SESTD1: variants seen among roughly 807,000 people sequenced by gnomAD.
SESTD1 encodes the protein SEC14 domain and spectrin repeat-containing protein 1.
A neutral mutation model predicts 101.7 loss-of-function variants in SESTD1; 43 were observed. The ratio of observed to expected loss-of-function variants is 0.42; its 90% CI spans 0.33 to 0.55. The LOEUF (loss-of-function observed/expected upper bound fraction) is 0.55. Ranked by LOEUF, SESTD1 falls within the 20% of genes least tolerant of loss-of-function variation. SESTD1 has a pLI of 0.07. For missense variants in SESTD1, 647 were observed against 815.1 expected (o/e 0.79, Z 2.51); for synonymous variants, 283 against 286.8 (o/e 0.99, Z 0.13).
intron 6 of SESTD1, 121 bp from the exon 7 acceptor site, chr2:179,149,515 C>T (rs1274266267): frequency 1.2e-5 from 7 of 602,168 alleles, no homozygotes; most frequent in Middle Eastern, 4.4e-4. Flanking sequence ...CCCAGCAGTT[C>T]GTGCAATTCT....
rs889713308 is a variant in SESTD1 at position 179,207,091 on chromosome 2, G to A, written c.-25-15225C>T. 3.0e-5 allele frequency among the ~76,000 whole-genome samples: 4 copies of A among 133,096 alleles called. 2 individuals are homozygous for A. Among genetic ancestry groups the A allele is most frequent in the African/African-American group, 1.2e-4 (4 of 33,284 alleles). The allele number at this position is 133,096 out of a possible 152,430, so 87.3% of individuals were successfully genotyped here. A position where few individuals can be genotyped will look rare whatever the true frequency, so the allele number is the denominator to read the frequency against. On this transcript the variant is annotated intron_variant, in intron 1 of 17. Transcript: ENST00000428443. ...GAGCTCAGACTAGTCTAACCCTGCC[G>A]ATGGTTTTGCTCTATCTGCCCTGGT... is the stretch of plus-strand genomic sequence containing the variant.
At position 179,172,169 on chromosome 2, in the gene SESTD1, T is replaced by C; in HGVS notation, c.320A>G (p.Lys107Arg). 1 of 1,610,326 alleles carries C rather than the reference T, an allele frequency of 6.2e-7. No homozygotes were observed. The highest frequency in any genetic ancestry group is 8.5e-7 in the Non-Finnish European group (1 of 1,177,650). The change falls in exon 5 of 18, where the codon AAA becomes AGA. Residue 107 changes from lysine (K) to arginine (R), a missense_variant. Lys to Arg is a conservative substitution (Grantham distance 26). Coordinates refer to ENST00000428443, the MANE Select transcript of SESTD1 (RefSeq NM_178123.5). Reference sequence around the variant, plus strand: ...CTTCCAAAAACAAAAATGCGTTACTTTCTTATCCCAGAATTCATCTGGCTT... The same window carrying C: ...CTTCCAAAAACAAAAATGCGTTACTCTCTTATCCCAGAATTCATCTGGCTT... ...VVKPDEFWDK[K>R]VTHFCFWKEK...
In SESTD1 at chr2:179,101,702, C is replaced by A. The variant is rs1156643808; in HGVS notation, c.*8197G>T. The A allele has an allele frequency of 6.6e-6, 1 of 152,142 alleles. No individual in the cohort carries two copies. The highest frequency in any genetic ancestry group is 1.5e-5 in the Non-Finnish European group (1 of 68,014). The allele number at this position is 152,142 out of a possible 1,614,324, so 9.4% of individuals were successfully genotyped here. ...GTTGATATTGACTCATTCACATTTTCTCCCAATTTTATTTTGAACAAACAC... is the reference window on the plus strand; with the variant it reads ...GTTGATATTGACTCATTCACATTTTATCCCAATTTTATTTTGAACAAACAC... On this transcript the variant is annotated 3_prime_UTR_variant, in exon 18 of 18. Coordinates refer to ENST00000428443, the MANE Select transcript of SESTD1 (RefSeq NM_178123.5).
At position 179,182,991 on chromosome 2, in the gene SESTD1, A is replaced by T. The variant is rs1347318080; in HGVS notation, c.164+89T>A. ...TTCACTGCGAATAAAAGCAGATAAG[A>T]TAGCAAAGTATAATTCAACAATAGA... On this transcript the variant is annotated intron_variant, in intron 3 of 17. Transcript: ENST00000428443. 7.3e-6 allele frequency: 6 copies of T among 827,422 alleles called. No individual in the cohort carries two copies. In the East Asian group the frequency reaches 8.2e-5, roughly 11 times the overall value. 51.3% of individuals were successfully genotyped at this position (827,422 alleles called of 1,614,324 possible).
Position 179,208,801 on chromosome 2 carries a change from A to G in SESTD1, c.-25-16935T>C, listed in dbSNP as rs989141074. ...TTCATCTCACAGGACCTGTAAAACA[A>G]TAACACAATGAAAACAAACCAAGGT... On this transcript the variant is annotated intron_variant, in intron 1 of 17. Coordinates refer to ENST00000428443, the MANE Select transcript of SESTD1 (RefSeq NM_178123.5). 1.1e-4 allele frequency among the ~76,000 whole-genome samples: 15 copies of G among 135,158 alleles called. 4 individuals are homozygous for G. Among genetic ancestry groups the G allele is most frequent in the East Asian group, 2.0e-4 (1 of 5,058 alleles). The allele number at this position is 135,158 out of a possible 152,430, so 88.7% of individuals were successfully genotyped here.
intron 2 of SESTD1, 45 bp from the exon 3 acceptor site, chr2:179,183,233 G>A (rs2046149387): frequency 1.6e-6 from 2 of 1,216,836 alleles, no homozygotes; most frequent in South Asian, 1.3e-5. Context: ...ACATATTAAG[G>A]CATAATCTGA....
intron 9 of SESTD1, among the ~76,000 whole-genome samples, chr2:179,141,924 G>C (rs949429031): frequency 3.3e-5 from 5 of 152,278 alleles, no homozygotes; most frequent in South Asian, 4.1e-4. Flanking sequence ...GAAATCTCCA[G>C]TTTATATGTG....
intron 1 of SESTD1, among the ~76,000 whole-genome samples, chr2:179,199,648 A>C (rs941993065): frequency 1.7e-3 from 259 of 152,290 alleles, no homozygotes; most frequent in South Asian, 0.016. Flanking sequence ...AGGCTGGTTC[A>C]ATATACACAA....
chr2:179,135,330 A>T (rs570666944), intron 9 of SESTD1, among the ~76,000 whole-genome samples: 1 of 152,284 alleles, frequency 6.6e-6, no homozygotes, highest in Admixed American at 6.5e-5. Context: ...GATTGAATAC[A>T]TTGCAAATGT....
chr2:179,197,904 A>T (rs538279533), intron 1 of SESTD1, among the ~76,000 whole-genome samples: 1 of 152,242 alleles, frequency 6.6e-6, no homozygotes, highest in East Asian at 1.9e-4. Context: ...GCATCAACTA[A>T]CGAGCAAAAT....
At chr2:179,134,342 A>G (rs1411511451) in intron 9 of SESTD1, among the ~76,000 whole-genome samples, 1 of 152,158 alleles carries the variant, frequency 6.6e-6, no homozygotes, top group Non-Finnish European at 1.5e-5. Flanking sequence ...TTGTTATTAT[A>G]ACATAATTTT....
rs375349518 is a variant in SESTD1, at chr2:179,202,030, G to C, written c.-25-10164C>G. Among the ~76,000 whole-genome samples, 16 of 131,382 alleles carry C rather than the reference G, an allele frequency of 1.2e-4. 4 individuals are homozygous for C. Among genetic ancestry groups the C allele is most frequent in the East Asian group, 8.0e-4 (4 of 5,008 alleles). The allele number at this position is 131,382 out of a possible 152,430, so 86.2% of individuals were successfully genotyped here. On this transcript the variant is annotated intron_variant, in intron 1 of 17. Transcript: ENST00000428443. ...AAATAGTCTGTGTAAGTCATAAGAAGGTTTGTAAAGGGAAATTTAGGAAAG... is the reference window on the plus strand; with the variant it reads ...AAATAGTCTGTGTAAGTCATAAGAACGTTTGTAAAGGGAAATTTAGGAAAG...
At position 179,106,009 on chromosome 2, in the gene SESTD1, G is replaced by GT. The variant is rs964271334; in HGVS notation, c.*3889dup. 4.3e-4 allele frequency: 66 copies of GT among 152,120 alleles called. No individual in the cohort carries two copies. The highest frequency in any genetic ancestry group is 1.5e-3 in the African/African-American group (62 of 41,434). 9.4% of individuals were successfully genotyped at this position (152,120 alleles called of 1,614,324 possible). A position where few individuals can be genotyped will look rare whatever the true frequency, so the allele number is the denominator to read the frequency against. On this transcript the variant is annotated 3_prime_UTR_variant, in exon 18 of 18. Transcript: ENST00000428443. The stretch of plus-strand genomic sequence containing the variant: ...TTCTACTTCATTTTATCTCATCAGG[G>GT]TATTTGTTGCTCTATATACCAGCAT...
intron 1 of SESTD1, among the ~76,000 whole-genome samples, chr2:179,231,431 A>C (rs1288136749): frequency 6.6e-6 from 1 of 152,076 alleles, no homozygotes; most frequent in Non-Finnish European, 1.5e-5. Flanking sequence ...AACTTAAATA[A>C]GAAAACAAAG....
intron 1 of SESTD1, among the ~76,000 whole-genome samples, chr2:179,234,745 G>C (rs1472191155): frequency 6.6e-6 from 1 of 152,112 alleles, no homozygotes; most frequent in Non-Finnish European, 1.5e-5. Flanking sequence ...ATCTAATCAT[G>C]AGGAAATAGC....
intron 1 of SESTD1, 37 bp from the exon 2 acceptor site, chr2:179,191,903 A>G: frequency 7.4e-7 from 1 of 1,359,096 alleles, no homozygotes; most frequent in South Asian, 1.2e-5. Context: ...ACTACAAGAC[A>G]ACAATTATTC....
intron 13 of SESTD1, among the ~76,000 whole-genome samples, chr2:179,121,466 TTCAG>T (rs1435170887): frequency 1.3e-5 from 2 of 152,174 alleles, no homozygotes; most frequent in Non-Finnish European, 2.9e-5. Flanking sequence ...AAAATTATTC[TTCAG>T]TAAGTTTTTT....
intron 6 of SESTD1, among the ~76,000 whole-genome samples, chr2:179,151,000 A>G (rs1272244345): frequency 6.6e-6 from 1 of 152,156 alleles, no homozygotes; most frequent in Non-Finnish European, 1.5e-5. Context: ...AATCACACAA[A>G]GGTAGGTACT....
intron 1 of SESTD1, among the ~76,000 whole-genome samples, chr2:179,226,178 G>A (rs2046882741): frequency 6.6e-6 from 1 of 152,088 alleles, no homozygotes; most frequent in African/African-American, 2.4e-5. Context: ...AAATCTCAAG[G>A]GAAGGCAGAA....
Sources: gnomAD v4.1 joint callset for allele counts (sites outside exome capture counted in the v4.1 genomes callset) on GRCh38, gnomAD v4.1.1 for gene constraint, MANE v1.5 for transcripts, NCBI Gene and HGNC (gene_info 2026-07-23, HGNC 2026-07-21) for gene names.